The following EPHB1 variants were observed in gnomAD, a reference collection of about 807,000 sequenced individuals.
EPHB1 encodes the protein ephrin type-B receptor 1.
In EPHB1, 30 loss-of-function variants were observed where a neutral mutation model predicts 94.4. That is an observed-to-expected ratio of 0.32 (90% confidence interval 0.24 to 0.43). The LOEUF (loss-of-function observed/expected upper bound fraction) is 0.43, where lower values mean the gene tolerates loss of function less well. EPHB1 is among the 20% of genes least tolerant of loss of function. The pLI, the probability that EPHB1 is intolerant of heterozygous loss-of-function variation, is 1.00. For missense variants in EPHB1, 1,055 were observed against 1,308.3 expected (o/e 0.81, Z 2.99); for synonymous variants, 522 against 489.1 (o/e 1.07, Z -0.89).
chr3:134,989,867 G>A (rs937713684), intron 3 of EPHB1, among the ~76,000 whole-genome samples: 1 of 152,116 alleles, frequency 6.6e-6, no homozygotes, highest in South Asian at 2.1e-4. Context: ...GTCACACTTC[G>A]ATTTTAAATA....
chr3:134,922,120 G>A (rs774137973), intron 1 of EPHB1, among the ~76,000 whole-genome samples: 1 of 152,184 alleles, frequency 6.6e-6, no homozygotes, highest in Non-Finnish European at 1.5e-5. Flanking sequence ...AGCACCACAC[G>A]CACTTCCAGC....
intron 8 of EPHB1, among the ~76,000 whole-genome samples, chr3:135,166,527 A>C (rs1198191930): frequency 6.6e-6 from 1 of 152,162 alleles, no homozygotes; most frequent in Non-Finnish European, 1.5e-5. Context: ...TGGCCCCGAA[A>C]GCCTTGTGAT....
At chr3:135,187,090 C>G (rs987207210) in intron 10 of EPHB1, among the ~76,000 whole-genome samples, 2 of 152,026 alleles carry the variant, frequency 1.3e-5, no homozygotes, top group Non-Finnish European at 2.9e-5. Context: ...CACTGCTGAG[C>G]ACATTGGCCA....
At chr3:135,226,443 A>C (rs1026814092) in intron 12 of EPHB1, among the ~76,000 whole-genome samples, 2 of 152,250 alleles carry the variant, frequency 1.3e-5, no homozygotes, top group African/African-American at 4.8e-5. Context: ...GAGATCTGAG[A>C]TATCAAGGAG....
At chr3:134,924,305 A>G (rs528820215) in intron 1 of EPHB1, among the ~76,000 whole-genome samples, 10 of 152,374 alleles carry the variant, frequency 6.6e-5, no homozygotes, top group Non-Finnish European at 1.5e-4. Flanking sequence ...AAATGAAAAC[A>G]TAAGACACAG....
intron 12 of EPHB1, among the ~76,000 whole-genome samples, chr3:135,224,863 T>A (rs1943356474): frequency 6.6e-6 from 1 of 152,212 alleles, no homozygotes; most frequent in South Asian, 2.1e-4. Context: ...TTCTCTTTGA[T>A]TTTTACCTGA....
chr3:135,061,454 A>T (rs1937508350), intron 3 of EPHB1, among the ~76,000 whole-genome samples: 1 of 144,570 alleles, frequency 6.9e-6, no homozygotes, highest in Non-Finnish European at 1.5e-5. Flanking sequence ...TATGAGTGAG[A>T]ACATACAATG....
At chr3:135,231,207 A>G (rs1266482442) in intron 12 of EPHB1, among the ~76,000 whole-genome samples, 1 of 152,202 alleles carries the variant, frequency 6.6e-6, no homozygotes, top group African/African-American at 2.4e-5. Context: ...TTGTCTCTCC[A>G]TCCTTTCTTT....
At chr3:134,801,469 G>A (rs1035920430) in intron 1 of EPHB1, among the ~76,000 whole-genome samples, 15 of 152,280 alleles carry the variant, frequency 9.9e-5, no homozygotes, top group African/African-American at 3.1e-4. Flanking sequence ...TGTCGAGAGC[G>A]TGTTCCTGCA....
intron 1 of EPHB1, among the ~76,000 whole-genome samples, chr3:134,853,812 G>A (rs541577881): frequency 7.9e-5 from 12 of 152,142 alleles, no homozygotes; most frequent in Non-Finnish European, 1.5e-4. Flanking sequence ...TCCCTGCCCA[G>A]GGCCAAAGCA....
intron 3 of EPHB1, among the ~76,000 whole-genome samples, chr3:135,004,295 C>G (rs2107744902): frequency 6.6e-6 from 1 of 151,498 alleles, no homozygotes; most frequent in African/African-American, 2.4e-5. Context: ...CCCCCACTCT[C>G]TTCTGGCTTG....
chr3:135,142,905 C>T (rs1229142117), intron 5 of EPHB1, among the ~76,000 whole-genome samples: 1 of 152,004 alleles, frequency 6.6e-6, no homozygotes, highest in Non-Finnish European at 1.5e-5. Flanking sequence ...GGTGGTCTAG[C>T]CAAATGGCAT....
intron 11 of EPHB1, 145 bp from the exon 12 acceptor site, chr3:135,201,329 A>G (rs1434529814): frequency 2.7e-6 from 2 of 740,208 alleles, no homozygotes; most frequent in Non-Finnish European, 4.6e-6. Context: ...AGAATGGGGG[A>G]TGGGAGTGGG....
chr3:135,129,611 C>T (rs908917489), intron 4 of EPHB1, among the ~76,000 whole-genome samples: 1 of 152,148 alleles, frequency 6.6e-6, no homozygotes. Context: ...AGACAACTGC[C>T]CCTGTCTACC....
chr3:135,096,573 C>T (rs777635284), intron 3 of EPHB1, among the ~76,000 whole-genome samples: 1 of 152,202 alleles, frequency 6.6e-6, no homozygotes, highest in Non-Finnish European at 1.5e-5. Flanking sequence ...AAACAACAAA[C>T]ATTTATTTCT....
Position 135,009,011 on chromosome 3 carries a change from C to G in EPHB1, c.805+56959C>G, listed in dbSNP as rs191189278. Among the ~76,000 whole-genome samples the G allele has an allele frequency of 1.8e-3, 276 of 152,346 alleles. 1 individual carries two copies. Among genetic ancestry groups the G allele is most frequent in the African/African-American group, 6.4e-3 (265 of 41,576 alleles). On this transcript the variant is annotated intron_variant, in intron 3 of 15. Coordinates refer to ENST00000398015, the MANE Select transcript of EPHB1 (RefSeq NM_004441.5). ...GGGGCGTGGACTTATGGATCCCATC[C>G]TACTCTGTTGCAGAGTCCCAGGGCC... is the stretch of plus-strand genomic sequence containing the variant.
intron 12 of EPHB1, among the ~76,000 whole-genome samples, chr3:135,233,996 G>A (rs1943593071): frequency 2.0e-5 from 3 of 152,190 alleles, no homozygotes; most frequent in African/African-American, 7.2e-5. Flanking sequence ...TAGGCCTCCA[G>A]GTCTGTGATG....
intron 4 of EPHB1, among the ~76,000 whole-genome samples, chr3:135,113,340 C>G (rs1454224801): frequency 6.6e-6 from 1 of 152,198 alleles, no homozygotes; most frequent in Non-Finnish European, 1.5e-5. Context: ...TTGTTTGACC[C>G]AAGTGAGTAT....
At chr3:134,814,172 T>C (rs1231934403) in intron 1 of EPHB1, among the ~76,000 whole-genome samples, 9 of 152,158 alleles carry the variant, frequency 5.9e-5, no homozygotes, top group Admixed American at 5.9e-4. Flanking sequence ...AATGGAAGCA[T>C]AGGAAACCTG....
Sources: allele counts gnomAD v4.1 joint callset (sites outside exome capture counted in the v4.1 genomes callset), GRCh38; gene constraint gnomAD v4.1.1; transcripts MANE v1.5; gene names NCBI Gene and HGNC (gene_info 2026-07-23, HGNC 2026-07-21).